MARCHF1: variants seen among roughly 807,000 people sequenced by gnomAD.
MARCHF1 encodes membrane associated ring-CH-type finger 1.
A neutral mutation model predicts 54.2 loss-of-function variants in MARCHF1; 40 were observed. That is an observed-to-expected ratio of 0.74 (90% confidence interval 0.57 to 0.96). The LOEUF (loss-of-function observed/expected upper bound fraction) is 0.96. MARCHF1 is among the 40% of genes least tolerant of loss of function. The pLI is 0.00. For missense variants in MARCHF1, 586 were observed against 656.5 expected (o/e 0.89, Z 1.17); for synonymous variants, 236 against 236.3 (o/e 1.00, Z 0.01).
chr4:163,632,027 A>T (rs1367371255), intron 5 of MARCHF1, among the ~76,000 whole-genome samples: 1 of 152,214 alleles, frequency 6.6e-6, no homozygotes, highest in Non-Finnish European at 1.5e-5. Context: ...GCAAATCAAA[A>T]CCACAATGAG....
chr4:164,294,224 G>A (rs985453223), intron 1 of MARCHF1, among the ~76,000 whole-genome samples: 22 of 152,160 alleles, frequency 1.4e-4, no homozygotes, highest in Admixed American at 7.9e-4. Flanking sequence ...TTTGGGACTC[G>A]GACTGGCTTT....
intron 1 of MARCHF1, among the ~76,000 whole-genome samples, chr4:164,276,446 A>C (rs1430795971): frequency 6.6e-6 from 1 of 152,130 alleles, no homozygotes; most frequent in African/African-American, 2.4e-5. Context: ...TTATTTGTGC[A>C]CATTTCTTAG....
chr4:164,306,009 C>T (rs1302056577), intron 1 of MARCHF1, among the ~76,000 whole-genome samples: 1 of 152,060 alleles, frequency 6.6e-6, no homozygotes, highest in African/African-American at 2.4e-5. Flanking sequence ...GATGTTGTCA[C>T]TGATTGTTAC....
chr4:164,205,463 T>C (rs1194711803), intron 1 of MARCHF1, among the ~76,000 whole-genome samples: 1 of 152,094 alleles, frequency 6.6e-6, no homozygotes, highest in African/African-American at 2.4e-5. Flanking sequence ...CTATAAACAG[T>C]TTTGCTGGGG....
intron 1 of MARCHF1, among the ~76,000 whole-genome samples, chr4:164,268,376 G>A (rs1481215070): frequency 6.6e-6 from 1 of 152,140 alleles, no homozygotes; most frequent in Admixed American, 6.5e-5. Context: ...TGGAAATGAG[G>A]AGTGAAGAGG....
intron 4 of MARCHF1, among the ~76,000 whole-genome samples, chr4:163,765,680 G>A (rs1030278225): frequency 1.3e-5 from 2 of 151,706 alleles, no homozygotes; most frequent in African/African-American, 4.8e-5. Context: ...AAACACCACT[G>A]CCTCAGACAT....
intron 8 of MARCHF1, among the ~76,000 whole-genome samples, chr4:163,563,490 CT>C (rs969899177): frequency 6.6e-6 from 1 of 152,218 alleles, no homozygotes; most frequent in Non-Finnish European, 1.5e-5. Context: ...ACCTCCTCCC[CT>C]GGGAAGCATT....
At chr4:163,879,590 C>T (rs1196573014) in intron 3 of MARCHF1, among the ~76,000 whole-genome samples, 2 of 151,974 alleles carry the variant, frequency 1.3e-5, no homozygotes, top group African/African-American at 2.4e-5. Flanking sequence ...TATGTGTGCA[C>T]GTGCTTGTGT....
chr4:164,114,720 A>C (rs982852205), intron 1 of MARCHF1, among the ~76,000 whole-genome samples: 1 of 151,830 alleles, frequency 6.6e-6, no homozygotes, highest in African/African-American at 2.4e-5. Flanking sequence ...GTATTGAGAC[A>C]AGAAAAAAAT....
chr4:163,808,588 A>G (rs1287452770), intron 4 of MARCHF1, among the ~76,000 whole-genome samples: 1 of 152,116 alleles, frequency 6.6e-6, no homozygotes, highest in Non-Finnish European at 1.5e-5. Context: ...TTATTTTTTG[A>G]GACAGAGTCT....
rs889140669 is a variant in MARCHF1, at chr4:163,588,175, C to T, written c.1011-2246G>A. 8.5e-5 allele frequency among the ~76,000 whole-genome samples: 13 copies of T among 152,180 alleles called. 1 individual carries two copies. The highest frequency in any genetic ancestry group is 1.9e-4 in the Non-Finnish European group (13 of 68,028). ...ACACAGGGAAGGTCCGTATTAATGT[C>T]CCCTTCCCCCTGAACTGACTTAGGA... On this transcript the variant is annotated intron_variant, in intron 7 of 9. Transcript: ENST00000514618.
intron 7 of MARCHF1, among the ~76,000 whole-genome samples, chr4:163,609,777 C>A (rs1220488361): frequency 2.0e-5 from 3 of 151,738 alleles, no homozygotes; most frequent in Non-Finnish European, 2.9e-5. Flanking sequence ...GGTATTCTGG[C>A]TGAAAATGGG....
chr4:164,280,441 G>T (rs961250830), intron 1 of MARCHF1, among the ~76,000 whole-genome samples: 1 of 151,958 alleles, frequency 6.6e-6, no homozygotes, highest in African/African-American at 2.4e-5. Flanking sequence ...ACATAATGGT[G>T]GCATTTTAAA....
chr4:164,018,013 T>C (rs546663766), intron 2 of MARCHF1, among the ~76,000 whole-genome samples: 2 of 152,070 alleles, frequency 1.3e-5, no homozygotes, highest in South Asian at 2.1e-4. Flanking sequence ...ATGCAGTCAA[T>C]TGATTTTTCT....
intron 1 of MARCHF1, among the ~76,000 whole-genome samples, chr4:164,374,767 A>G (rs1731137821): frequency 6.6e-6 from 1 of 152,152 alleles, no homozygotes; most frequent in Non-Finnish European, 1.5e-5. Context: ...GTTACTTAAT[A>G]AATACTTGTT....
At chr4:163,670,760 C>T (rs1743708898) in intron 5 of MARCHF1, among the ~76,000 whole-genome samples, 1 of 152,152 alleles carries the variant, frequency 6.6e-6, no homozygotes, top group Non-Finnish European at 1.5e-5. Flanking sequence ...ATCTGTCATA[C>T]AAAGATTTTA....
At chr4:164,154,143 T>C (rs934162053) in intron 1 of MARCHF1, among the ~76,000 whole-genome samples, 3 of 152,228 alleles carry the variant, frequency 2.0e-5, no homozygotes, top group Non-Finnish European at 4.4e-5. Flanking sequence ...TTTTATGAAG[T>C]AAATATTAGC....
intron 2 of MARCHF1, among the ~76,000 whole-genome samples, chr4:164,040,849 T>C (rs1754113426): frequency 6.6e-6 from 1 of 152,106 alleles, no homozygotes; most frequent in African/African-American, 2.4e-5. Context: ...TTGGCCATTT[T>C]CTAAGCTACA....
chr4:164,234,935 G>A (rs550564912), intron 1 of MARCHF1: 2 of 152,164 alleles, frequency 1.3e-5, no homozygotes, highest in Admixed American at 1.3e-4. Flanking sequence ...AAGAAAACAA[G>A]TGATTTCATA....
Sources: gnomAD v4.1 joint callset for allele counts (sites outside exome capture counted in the v4.1 genomes callset) on GRCh38, gnomAD v4.1.1 for gene constraint, MANE v1.5 for transcripts, NCBI Gene and HGNC (gene_info 2026-07-23, HGNC 2026-07-21) for gene names.